The following MRTFA variants were observed in gnomAD, a reference collection of about 807,000 sequenced individuals.
The protein encoded by MRTFA is myocardin-related transcription factor A.
A neutral mutation model predicts 83.5 loss-of-function variants in MRTFA; 20 were observed. That is an observed-to-expected ratio of 0.24 (90% confidence interval 0.17 to 0.35). MRTFA has a LOEUF of 0.35. Among genes scored for constraint, MRTFA ranks in the 10% least tolerant of loss-of-function variants. MRTFA has a pLI of 1.00. For missense variants in MRTFA, 1,200 were observed against 1,224.7 expected (o/e 0.98, Z 0.30); for synonymous variants, 659 against 541.2 (o/e 1.22, Z -3.02).
Position 40,411,370 on chromosome 22 carries a change from C to A in MRTFA, c.*20G>T. 6.5e-7 allele frequency: 1 copy of A among 1,535,862 alleles called. No individual in the cohort carries two copies. Among genetic ancestry groups the A allele is most frequent in the Admixed American group, 1.9e-5 (1 of 52,632 alleles). The stretch of plus-strand genomic sequence containing the variant: ...ACCCTGGCTCCCAGCCCCTTCCCCA[C>A]CCCGTCTTGAGCCAGAGAGCTACAA... On this transcript the variant is annotated 3_prime_UTR_variant, in exon 15 of 15. Coordinates refer to ENST00000355630, the MANE Select transcript of MRTFA (RefSeq NM_020831.6).
At chr22:40,459,458 G>A (rs573363192) in intron 4 of MRTFA, among the ~76,000 whole-genome samples, 1 of 151,920 alleles carries the variant, frequency 6.6e-6, no homozygotes, top group Admixed American at 6.6e-5. Context: ...TTGGTATATG[G>A]GAAAATGCAA....
chr22:40,599,326 G>C (rs1039849192), intron 1 of MRTFA, among the ~76,000 whole-genome samples: 2 of 152,018 alleles, frequency 1.3e-5, no homozygotes, highest in African/African-American at 4.8e-5. Flanking sequence ...TTGGGCATTA[G>C]AAAACTATAG....
intron 1 of MRTFA, among the ~76,000 whole-genome samples, chr22:40,606,148 A>G (rs2056316718): frequency 6.6e-6 from 1 of 152,216 alleles, no homozygotes; most frequent in Non-Finnish European, 1.5e-5. Context: ...AAGCTGCCTA[A>G]AGCAAACTCA....
At chr22:40,446,146 T>C (rs555879493) in intron 4 of MRTFA, among the ~76,000 whole-genome samples, 91 of 152,366 alleles carry the variant, frequency 6.0e-4, no homozygotes, top group Admixed American at 2.1e-3. Flanking sequence ...TCTGTCTTTG[T>C]AATTAACACA....
intron 4 of MRTFA, among the ~76,000 whole-genome samples, chr22:40,450,622 AT>A (rs55638738): frequency 2.1e-5 from 3 of 146,066 alleles, no homozygotes; most frequent in Admixed American, 6.9e-5. Flanking sequence ...CAGCTGGCTA[AT>A]TTTTTTTTTT....
chr22:40,413,586 T>C (rs897575419), intron 14 of MRTFA, among the ~76,000 whole-genome samples: 1 of 150,146 alleles, frequency 6.7e-6, no homozygotes, highest in South Asian at 2.1e-4. Context: ...GGACTACAGG[T>C]GCCCGCCACC....
intron 3 of MRTFA, among the ~76,000 whole-genome samples, chr22:40,546,406 GA>G (rs1397869251): frequency 6.6e-6 from 1 of 152,202 alleles, no homozygotes; most frequent in Non-Finnish European, 1.5e-5. Flanking sequence ...TAAAAAGCCG[GA>G]AAAAGGTAAG....
At chr22:40,459,830 CAT>C (rs55885079) in intron 4 of MRTFA, among the ~76,000 whole-genome samples, 17,409 of 87,004 alleles carry the variant, frequency 0.2, 1,980 homozygotes, top group East Asian at 0.47. Flanking sequence ...CACATATATA[CAT>C]ATATATATAT....
In MRTFA at chr22:40,456,314, TA is replaced by T. The variant is rs879436745; in HGVS notation, c.307+6906del. 1.7e-3 allele frequency among the ~76,000 whole-genome samples: 250 copies of T among 144,880 alleles called. 1 individual carries two copies. The Middle Eastern group carries it at 0.021, about 12-fold the overall frequency. On this transcript the variant is annotated intron_variant, in intron 4 of 14. Transcript: ENST00000355630. Reference sequence around the variant, plus strand: ...CTTTGCTGTGAAACTGAAACTTCTGTAAAAAAAAAAAATACTATTTTAAAAG... The same window carrying T: ...CTTTGCTGTGAAACTGAAACTTCTGTAAAAAAAAAAATACTATTTTAAAAG...
At chr22:40,447,411 T>G (rs1602256673) in intron 4 of MRTFA, among the ~76,000 whole-genome samples, 1 of 145,302 alleles carries the variant, frequency 6.9e-6, no homozygotes, top group South Asian at 2.2e-4. Context: ...AAAAAGGGAG[T>G]GAGCCCTGCA....
At chr22:40,527,787 A>G (rs970879822) in intron 3 of MRTFA, among the ~76,000 whole-genome samples, 1 of 151,748 alleles carries the variant, frequency 6.6e-6, no homozygotes, top group African/African-American at 2.4e-5. Context: ...GCATGTGGTA[A>G]TCATAAAAGT....
intron 4 of MRTFA, among the ~76,000 whole-genome samples, chr22:40,461,816 T>G (rs1377933165): frequency 6.6e-6 from 1 of 151,748 alleles, no homozygotes. Flanking sequence ...AAAATTAAAA[T>G]TAAAAGCCAA....
chr22:40,635,552 G>A (rs868228519), intron 1 of MRTFA, among the ~76,000 whole-genome samples: 1 of 152,196 alleles, frequency 6.6e-6, no homozygotes, highest in Non-Finnish European at 1.5e-5. Flanking sequence ...AGGCTGGCAA[G>A]CAAGTTAACC....
intron 3 of MRTFA, among the ~76,000 whole-genome samples, chr22:40,488,627 T>C (rs1602323816): frequency 6.6e-6 from 1 of 151,840 alleles, no homozygotes; most frequent in Admixed American, 6.6e-5. Flanking sequence ...AGGTCAGGAG[T>C]TCGAGACCAG....
intron 3 of MRTFA, among the ~76,000 whole-genome samples, chr22:40,539,898 C>T (rs889769159): frequency 2.7e-5 from 4 of 149,424 alleles, no homozygotes; most frequent in Non-Finnish European, 4.4e-5. Context: ...CAAATTTTCA[C>T]GGTTATCTTT....
intron 3 of MRTFA, among the ~76,000 whole-genome samples, chr22:40,507,431 G>A (rs1479075509): frequency 1.3e-5 from 2 of 151,988 alleles, no homozygotes; most frequent in Middle Eastern, 3.4e-3. Flanking sequence ...CCAGGAGTTC[G>A]AGACCAGCCT....
intron 2 of MRTFA, chr22:40,569,365 G>T: frequency 9.4e-6 from 2 of 211,852 alleles, no homozygotes; most frequent in South Asian, 1.9e-4. Context: ...ACCAGAACCA[G>T]ACCAGGAATG....
At chr22:40,528,090 C>T (rs1189987680) in intron 3 of MRTFA, among the ~76,000 whole-genome samples, 1 of 152,150 alleles carries the variant, frequency 6.6e-6, no homozygotes, top group Non-Finnish European at 1.5e-5. Flanking sequence ...CTGAGATCAT[C>T]ATTAAAGTAT....
intron 3 of MRTFA, among the ~76,000 whole-genome samples, chr22:40,511,104 G>C (rs138410759): frequency 2.0e-5 from 3 of 152,286 alleles, no homozygotes; most frequent in African/African-American, 7.2e-5. Context: ...CAGCTGAATG[G>C]ACAGATTGGA....
Sources: gnomAD v4.1 joint callset for allele counts (sites outside exome capture counted in the v4.1 genomes callset) on GRCh38, gnomAD v4.1.1 for gene constraint, MANE v1.5 for transcripts, NCBI Gene and HGNC (gene_info 2026-07-23, HGNC 2026-07-21) for gene names.